ENPEP: variants seen among roughly 807,000 people sequenced by gnomAD.
ENPEP encodes glutamyl aminopeptidase.
Under a neutral mutation model 114.5 loss-of-function variants are expected in ENPEP, and 103 were observed. The observed-to-expected ratio is 0.90, with a 90% confidence interval of 0.77 to 1.06. ENPEP has a LOEUF of 1.06. Among genes scored for constraint, ENPEP ranks in the 50% least tolerant of loss-of-function variants. The probability of loss-of-function intolerance (pLI) is 0.00; values close to 1 mark genes in which losing one functional copy is unlikely to be tolerated. For missense variants in ENPEP, 1,196 were observed against 1,161.3 expected (o/e 1.03, Z -0.43); for synonymous variants, 420 against 422.0 (o/e 1.00, Z 0.06).
At chr4:110,520,895 C>T (rs1725962591) in intron 10 of ENPEP, among the ~76,000 whole-genome samples, 1 of 152,156 alleles carries the variant, frequency 6.6e-6, no homozygotes, top group South Asian at 2.1e-4. Flanking sequence ...CTCTCCGCCA[C>T]CTACCATTTC....
chr4:110,556,839 C>T (rs1424005137), intron 18 of ENPEP, among the ~76,000 whole-genome samples: 3 of 151,990 alleles, frequency 2.0e-5, no homozygotes, highest in Non-Finnish European at 2.9e-5. Flanking sequence ...ACATTTCTTC[C>T]ATCCAGTAAA....
At chr4:110,517,957 G>C (rs1725844745) in intron 8 of ENPEP, among the ~76,000 whole-genome samples, 1 of 152,200 alleles carries the variant, frequency 6.6e-6, no homozygotes, top group South Asian at 2.1e-4. Flanking sequence ...ATCACTCTAT[G>C]ATTGTTGCCC....
rs189746535 is a variant in ENPEP, at chr4:110,482,795, G to T, written c.644+5737G>T. ...AGGCTGAGGTGGGCGGATCACCTGA[G>T]GTCAGGAGTTCGAGAGCAGCCTGGC... On this transcript the variant is annotated intron_variant, in intron 1 of 19. Coordinates refer to ENST00000265162, the MANE Select transcript of ENPEP (RefSeq NM_001977.4). 2.9e-4 allele frequency among the ~76,000 whole-genome samples: 44 copies of T among 152,270 alleles called. 1 individual carries two copies. Among genetic ancestry groups the T allele is most frequent in the African/African-American group, 9.9e-4 (41 of 41,544 alleles).
intron 3 of ENPEP, among the ~76,000 whole-genome samples, chr4:110,492,311 A>G (rs1724755225): frequency 6.6e-6 from 1 of 152,190 alleles, no homozygotes. Context: ...TTAAATTCCA[A>G]ACTCCTTCCA....
At chr4:110,543,159 T>G (rs1726918228) in intron 13 of ENPEP, 89 bp downstream of exon 13, 1 of 1,226,216 alleles carries the variant, frequency 8.2e-7, no homozygotes, top group Non-Finnish European at 1.2e-6. Flanking sequence ...GCAGTATTAA[T>G]CAATTTTAGC....
chr4:110,510,233 T>C lies in ENPEP; in HGVS notation c.1195-12T>C, dbSNP rs752203406. Reference sequence around the variant, plus strand: ...AAGAATGTAATTATCTCTTTATTGCTTATAATTTCAGTGGTTTGGAAATAT... The same window carrying C: ...AAGAATGTAATTATCTCTTTATTGCCTATAATTTCAGTGGTTTGGAAATAT... On this transcript the variant is annotated splice_polypyrimidine_tract_variant and intron_variant, in intron 5 of 19. Transcript: ENST00000265162. 1 of 1,601,454 alleles carries C rather than the reference T, an allele frequency of 6.2e-7. No homozygotes were observed. Among genetic ancestry groups the C allele is most frequent in the Non-Finnish European group, 8.6e-7 (1 of 1,168,436 alleles).
intron 10 of ENPEP, among the ~76,000 whole-genome samples, chr4:110,520,960 TGG>T (rs1486864249): frequency 6.6e-6 from 1 of 152,044 alleles, no homozygotes; most frequent in Non-Finnish European, 1.5e-5. Flanking sequence ...AAAAATACAG[TGG>T]GCTTGTTTCC....
At chr4:110,489,434 G>A (rs1724620552) in intron 2 of ENPEP, among the ~76,000 whole-genome samples, 2 of 152,276 alleles carry the variant, frequency 1.3e-5, no homozygotes, top group African/African-American at 4.8e-5. Context: ...GGGAGCGACA[G>A]CATTTGGAGA....
At chr4:110,558,863 G>C (rs1384377443) in intron 18 of ENPEP, among the ~76,000 whole-genome samples, 1 of 152,028 alleles carries the variant, frequency 6.6e-6, no homozygotes. Context: ...TTAGCTTTAG[G>C]TTTCTCTGCT....
intron 1 of ENPEP, among the ~76,000 whole-genome samples, chr4:110,484,781 T>TAC: frequency 6.8e-6 from 1 of 147,760 alleles, no homozygotes; most frequent in East Asian, 2.0e-4. Context: ...TATATATATA[T>TAC]ATATTCATAT....
chr4:110,515,518 T>C (rs1725731256), intron 8 of ENPEP, 76 bp downstream of exon 8: 2 of 1,187,408 alleles, frequency 1.7e-6, no homozygotes, highest in Non-Finnish European at 2.4e-6. Context: ...AGATATGTGA[T>C]TAATCAAGGA....
intron 1 of ENPEP, among the ~76,000 whole-genome samples, chr4:110,482,900 T>C (rs1724367499): frequency 1.3e-5 from 2 of 152,104 alleles, no homozygotes; most frequent in Non-Finnish European, 2.9e-5. Context: ...TCCCAGCTAC[T>C]CTGGAGGCTG....
At chr4:110,538,207 G>A (rs1726715423) in intron 11 of ENPEP, among the ~76,000 whole-genome samples, 1 of 152,132 alleles carries the variant, frequency 6.6e-6, no homozygotes, top group African/African-American at 2.4e-5. Context: ...AGTCCTTGAT[G>A]GCATCTTCTT....
At chr4:110,543,487 C>T (rs1198768108) in intron 13 of ENPEP, among the ~76,000 whole-genome samples, 2 of 152,032 alleles carry the variant, frequency 1.3e-5, no homozygotes, top group African/African-American at 2.4e-5. Context: ...AAATCTTGTT[C>T]AGGTCACTGG....
chr4:110,502,463 A>G (rs1560555779), intron 3 of ENPEP, among the ~76,000 whole-genome samples: 1 of 152,184 alleles, frequency 6.6e-6, no homozygotes, highest in Admixed American at 6.5e-5. Context: ...GGTGTAAGGA[A>G]GGGGTCCAGT....
intron 1 of ENPEP, among the ~76,000 whole-genome samples, chr4:110,480,628 A>G (rs1274295531): frequency 6.6e-6 from 1 of 152,240 alleles, no homozygotes; most frequent in Non-Finnish European, 1.5e-5. Flanking sequence ...GATTGCACTC[A>G]GTAGTAACCA....
intron 11 of ENPEP, among the ~76,000 whole-genome samples, chr4:110,537,704 C>T (rs759780486): frequency 4.3e-4 from 65 of 152,182 alleles, no homozygotes; most frequent in Non-Finnish European, 9.1e-4. Flanking sequence ...TCTAATGTAC[C>T]TTGTCCAGAT....
chr4:110,549,226 C>A, intron 14 of ENPEP, 120 bp from the exon 15 acceptor site: 2 of 796,904 alleles, frequency 2.5e-6, no homozygotes, highest in South Asian at 1.7e-5. Flanking sequence ...TAAGGACAAG[C>A]GCAAAGTTCT....
At chr4:110,532,592 A>G (rs1726447179) in intron 11 of ENPEP, among the ~76,000 whole-genome samples, 1 of 152,072 alleles carries the variant, frequency 6.6e-6, no homozygotes, top group African/African-American at 2.4e-5. Flanking sequence ...CTGTGGATCC[A>G]GCATGTTTTT....
Sources: allele counts gnomAD v4.1 joint callset (sites outside exome capture counted in the v4.1 genomes callset), GRCh38; gene constraint gnomAD v4.1.1; transcripts MANE v1.5; gene names NCBI Gene and HGNC (gene_info 2026-07-23, HGNC 2026-07-21).